Variants in RAPGEF4 observed in about 807,000 individuals in gnomAD.
The protein encoded by RAPGEF4 is RAP guanine-nucleotide-exchange factor (GEF) 4.
A neutral mutation model predicts 147.9 loss-of-function variants in RAPGEF4; 66 were observed. The ratio of observed to expected loss-of-function variants is 0.45; its 90% CI spans 0.37 to 0.55. The LOEUF (loss-of-function observed/expected upper bound fraction) is 0.55. Ranked by LOEUF, RAPGEF4 falls within the 20% of genes least tolerant of loss-of-function variation. The pLI is 0.00. For missense variants in RAPGEF4, 1,071 were observed against 1,257.3 expected (o/e 0.85, Z 2.24); for synonymous variants, 419 against 442.7 (o/e 0.95, Z 0.67).
At chr2:173,013,024 A>G (rs113336664) in intron 17 of RAPGEF4, among the ~76,000 whole-genome samples, 10 of 152,374 alleles carry the variant, frequency 6.6e-5, no homozygotes, top group African/African-American at 2.2e-4. Context: ...AGAGGATTGT[A>G]GCAATACAGG....
intron 27 of RAPGEF4, among the ~76,000 whole-genome samples, chr2:173,035,529 G>A (rs868342874): frequency 6.8e-6 from 1 of 147,586 alleles, no homozygotes. Context: ...AAAAAAAAAA[G>A]GGATCTCACT....
intron 5 of RAPGEF4, among the ~76,000 whole-genome samples, chr2:172,921,423 C>T (rs1684747719): frequency 6.6e-6 from 1 of 152,158 alleles, no homozygotes; most frequent in African/African-American, 2.4e-5. Context: ...ACTGTAAATC[C>T]TGTGTAGCTC....
At chr2:172,933,409 G>A (rs1686193828) in intron 6 of RAPGEF4, among the ~76,000 whole-genome samples, 1 of 152,172 alleles carries the variant, frequency 6.6e-6, no homozygotes, top group African/African-American at 2.4e-5. Flanking sequence ...TCAACCGAGG[G>A]AGGGAAGGAT....
In RAPGEF4 at chr2:172,983,568, T is replaced by C. The variant is rs1469701101; in HGVS notation, c.1077T>C (p.His359=). 6.2e-7 allele frequency: 1 copy of C among 1,613,644 alleles called. No homozygotes were observed. Among genetic ancestry groups the C allele is most frequent in the African/African-American group, 1.3e-5 (1 of 74,998 alleles). ...EELLHIKALS[H]LSTTVKRELA... is the part of the protein sequence containing the mutation. ...TTCTTCATATTAAAGCCTTATCCCA[T>C]CTTTCTACCACAGTAAGTTGTCTCT... is the stretch of plus-strand genomic sequence containing the variant. Residue 359 remains histidine (H), a synonymous_variant, in exon 11 of 31, where the codon CAT becomes CAC. Coordinates refer to ENST00000397081, the MANE Select transcript of RAPGEF4 (RefSeq NM_007023.4).
chr2:173,035,886 C>G (rs1229331246), intron 27 of RAPGEF4, among the ~76,000 whole-genome samples: 1 of 152,148 alleles, frequency 6.6e-6, no homozygotes, highest in Non-Finnish European at 1.5e-5. Context: ...AGGTCTTCAT[C>G]CTTGTCCTCT....
rs774692198 is a variant in RAPGEF4 at position 172,996,558 on chromosome 2, T to G, written c.1579+4T>G. 1 of 1,549,714 alleles carries G rather than the reference T, an allele frequency of 6.5e-7. No individual in the cohort carries two copies. Among genetic ancestry groups the G allele is most frequent in the South Asian group, 1.2e-5 (1 of 82,648 alleles). On this transcript the variant is annotated splice_donor_region_variant and intron_variant, in intron 16 of 30. Coordinates refer to ENST00000397081, the MANE Select transcript of RAPGEF4 (RefSeq NM_007023.4). Reference sequence around the variant, plus strand: ...GCAACTTTAAATGAAGCAACAGGTATACACATAGAACCGTTTGCATGTCCA... The same window carrying G: ...GCAACTTTAAATGAAGCAACAGGTAGACACATAGAACCGTTTGCATGTCCA...
At chr2:173,027,028 T>C (rs1696730509) in intron 24 of RAPGEF4, 53 bp from the exon 25 acceptor site, 2 of 1,453,060 alleles carry the variant, frequency 1.4e-6, no homozygotes, top group African/African-American at 1.4e-5. Context: ...AGAAACCTGC[T>C]GGTGTTTTGA....
intron 4 of RAPGEF4, among the ~76,000 whole-genome samples, chr2:172,871,004 T>C (rs1036328893): frequency 1.3e-5 from 2 of 152,204 alleles, no homozygotes; most frequent in Non-Finnish European, 2.9e-5. Context: ...TAAACACCAC[T>C]TGCCTGCCTT....
At chr2:172,821,791 C>T in intron 4 of RAPGEF4, 1 of 1,288,994 alleles carries the variant, frequency 7.8e-7, no homozygotes, top group South Asian at 2.8e-5. Flanking sequence ...CTTAGACTGC[C>T]TGAGCTTTCC....
At chr2:172,991,371 T>C (rs1692822385) in intron 15 of RAPGEF4, among the ~76,000 whole-genome samples, 1 of 152,210 alleles carries the variant, frequency 6.6e-6, no homozygotes, top group Non-Finnish European at 1.5e-5. Flanking sequence ...AAACCCAGAC[T>C]TCCAATATAA....
At chr2:173,016,238 C>G (rs1695496636) in intron 18 of RAPGEF4, 111 bp from the exon 19 acceptor site, 8 of 705,988 alleles carry the variant, frequency 1.1e-5, no homozygotes, top group Middle Eastern at 2.5e-4. Context: ...AAGCCATGGT[C>G]TGGAGATGCT....
intron 1 of RAPGEF4, among the ~76,000 whole-genome samples, chr2:172,765,312 G>C (rs1205764725): frequency 2.0e-5 from 3 of 152,190 alleles, no homozygotes; most frequent in African/African-American, 7.2e-5. Context: ...GTTACATTCT[G>C]AGTTCCAGGT....
chr2:172,808,365 C>G (rs889535347), intron 3 of RAPGEF4, among the ~76,000 whole-genome samples: 1 of 152,110 alleles, frequency 6.6e-6, no homozygotes, highest in African/African-American at 2.4e-5. Flanking sequence ...CCTTTGAATA[C>G]GAGCTCCCCC....
At chr2:172,824,333 G>A (rs947614838) in intron 4 of RAPGEF4, among the ~76,000 whole-genome samples, 5 of 152,290 alleles carry the variant, frequency 3.3e-5, no homozygotes, top group Middle Eastern at 6.8e-3. Context: ...ATGAGTCTCT[G>A]GACAGCCAGG....
chr2:173,036,984 C>G (rs1684100811), intron 29 of RAPGEF4, among the ~76,000 whole-genome samples: 1 of 152,156 alleles, frequency 6.6e-6, no homozygotes, highest in African/African-American at 2.4e-5. Context: ...GAGTGACTTC[C>G]ATGTTGTTGT....
intron 8 of RAPGEF4, among the ~76,000 whole-genome samples, chr2:172,963,657 C>T (rs952575339): frequency 2.6e-5 from 4 of 152,132 alleles, no homozygotes; most frequent in Non-Finnish European, 4.4e-5. Flanking sequence ...TTGGGAATAA[C>T]CACAGGACTC....
intron 4 of RAPGEF4, among the ~76,000 whole-genome samples, chr2:172,822,384 T>C (rs530300401): frequency 6.6e-6 from 1 of 152,346 alleles, no homozygotes; most frequent in East Asian, 1.9e-4. Context: ...TTGTGGGTGA[T>C]GGTATTTCAC....
chr2:173,027,001 A>T (rs1696726101), intron 24 of RAPGEF4, 80 bp from the exon 25 acceptor site: 2 of 1,300,454 alleles, frequency 1.5e-6, no homozygotes, highest in East Asian at 4.8e-5. Context: ...CCAGTAAAAC[A>T]CTGTCTTGAC....
intron 1 of RAPGEF4, among the ~76,000 whole-genome samples, chr2:172,794,146 G>C (rs375847812): frequency 6.6e-6 from 1 of 152,156 alleles, no homozygotes; most frequent in African/African-American, 2.4e-5. Context: ...GGGAGGCTGA[G>C]GTGGGTGGAT....
Sources: gnomAD v4.1 joint callset for allele counts (sites outside exome capture counted in the v4.1 genomes callset) on GRCh38, gnomAD v4.1.1 for gene constraint, MANE v1.5 for transcripts, NCBI Gene and HGNC (gene_info 2026-07-23, HGNC 2026-07-21) for gene names.